PHF24: variants seen among roughly 807,000 people sequenced by gnomAD.
PHF24 encodes the protein PHD finger protein 24.
PHF24 carries 25 observed loss-of-function variants against 42.6 expected under a neutral mutation model. The ratio of observed to expected loss-of-function variants is 0.59; its 90% CI spans 0.43 to 0.82. The LOEUF (loss-of-function observed/expected upper bound fraction) is 0.82, where lower values mean the gene tolerates loss of function less well. PHF24 is among the 40% of genes least tolerant of loss of function. The probability of loss-of-function intolerance (pLI) is 0.00; values close to 1 mark genes in which losing one functional copy is unlikely to be tolerated. For missense variants in PHF24, 470 were observed against 538.1 expected (o/e 0.87, Z 1.25); for synonymous variants, 185 against 204.8 (o/e 0.90, Z 0.83).
At chr9:34,967,953 C>A (rs894492629) in intron 1 of PHF24, among the ~76,000 whole-genome samples, 1 of 152,176 alleles carries the variant, frequency 6.6e-6, no homozygotes, top group Admixed American at 6.5e-5. Flanking sequence ...GGTTCTGAAT[C>A]ATAGAACAGG....
At chr9:34,777,365 G>A in the PHF24 span, among the ~76,000 whole-genome samples, 1 of 152,144 alleles carries the variant, frequency 6.6e-6, no homozygotes, top group Non-Finnish European at 1.5e-5. Flanking sequence ...GTCTGGGCAG[G>A]CCAGTCTCTA....
At chr9:34,859,167 TTACTA>T in the PHF24 span, among the ~76,000 whole-genome samples, 1 of 152,234 alleles carries the variant, frequency 6.6e-6, no homozygotes, top group South Asian at 2.1e-4. Flanking sequence ...CTTTTACAGT[TTACTA>T]TATATATTTT....
chr9:34,947,694 T>C, the PHF24 span, among the ~76,000 whole-genome samples: 1 of 150,958 alleles, frequency 6.6e-6, no homozygotes, highest in South Asian at 2.1e-4. Context: ...AGACAAGATA[T>C]GAAGGTGGAA....
chr9:34,799,946 A>G, the PHF24 span, among the ~76,000 whole-genome samples: 1 of 152,156 alleles, frequency 6.6e-6, no homozygotes, highest in African/African-American at 2.4e-5. Context: ...GTACACATTG[A>G]CACAGAATGT....
At chr9:34,851,597 C>T in the PHF24 span, among the ~76,000 whole-genome samples, 3 of 152,188 alleles carry the variant, frequency 2.0e-5, no homozygotes, top group East Asian at 1.9e-4. Context: ...GCACACAGTG[C>T]GCTGCACCCA....
At chr9:34,886,561 G>A in the PHF24 span, among the ~76,000 whole-genome samples, 1 of 152,110 alleles carries the variant, frequency 6.6e-6, no homozygotes, top group African/African-American at 2.4e-5. Context: ...CTTCCAGTAT[G>A]ACACTCTTCT....
At chr9:34,907,704 A>G in the PHF24 span, among the ~76,000 whole-genome samples, 1 of 152,094 alleles carries the variant, frequency 6.6e-6, no homozygotes, top group Non-Finnish European at 1.5e-5. Flanking sequence ...TCATTGGTCC[A>G]GTCTTTCATC....
chr9:34,698,322 T>C, the PHF24 span, among the ~76,000 whole-genome samples: 1 of 152,056 alleles, frequency 6.6e-6, no homozygotes, highest in Admixed American at 6.6e-5. Flanking sequence ...TTCCAGGCTA[T>C]GGAGATGGGG....
chr9:34,850,149 G>A, the PHF24 span, among the ~76,000 whole-genome samples: 1 of 152,166 alleles, frequency 6.6e-6, no homozygotes, highest in East Asian at 1.9e-4. Context: ...ATGTTGGCCT[G>A]CCTTGCTAGA....
At chr9:34,700,719 T>C in the PHF24 span, among the ~76,000 whole-genome samples, 8,727 of 152,016 alleles carry the variant, frequency 0.057, 267 homozygotes, top group South Asian at 0.082. Flanking sequence ...TATGAGACAA[T>C]GAGGTCACCA....
At chr9:34,805,163 T>A in the PHF24 span, among the ~76,000 whole-genome samples, 1 of 152,364 alleles carries the variant, frequency 6.6e-6, no homozygotes. Flanking sequence ...AATGCTGCCA[T>A]GAGCATTCAT....
chr9:34,947,274 T>C, the PHF24 span, among the ~76,000 whole-genome samples: 1 of 152,178 alleles, frequency 6.6e-6, no homozygotes, highest in South Asian at 2.1e-4. Context: ...GTGGACGAAA[T>C]ATACAAAAAT....
At chr9:34,741,134 C>T in the PHF24 span, among the ~76,000 whole-genome samples, 1 of 152,158 alleles carries the variant, frequency 6.6e-6, no homozygotes, top group Admixed American at 6.5e-5. Flanking sequence ...GATCCACCTG[C>T]CTTGGCCTCC....
the PHF24 span, among the ~76,000 whole-genome samples, chr9:34,875,942 ACACACACACTCTCTCTCTCTCTCT>A: frequency 5.8e-5 from 5 of 86,780 alleles, no homozygotes; most frequent in African/African-American, 1.6e-4. Context: ...ACACACACAC[ACACACACACTCTCTCTCTCTCTCT>A]CTCTCTCTCT....
At chr9:34,898,397 G>A in the PHF24 span, among the ~76,000 whole-genome samples, 1 of 152,048 alleles carries the variant, frequency 6.6e-6, no homozygotes. Context: ...TCACATTGCG[G>A]TTTTGATTTG....
At chr9:34,740,826 G>C in the PHF24 span, among the ~76,000 whole-genome samples, 1 of 152,032 alleles carries the variant, frequency 6.6e-6, no homozygotes, top group Non-Finnish European at 1.5e-5. Context: ...GGATGAGGTA[G>C]ATACATATGG....
chr9:34,931,375 C>CAAAAAAAAAAA, the PHF24 span, among the ~76,000 whole-genome samples: 1 of 82,926 alleles, frequency 1.2e-5, no homozygotes, highest in Non-Finnish European at 2.2e-5. Context: ...GACTCTGTAT[C>CAAAAAAAAAAA]AAAAAAAAAA....
chr9:34,763,262 G>T, the PHF24 span, among the ~76,000 whole-genome samples: 4 of 151,986 alleles, frequency 2.6e-5, no homozygotes, highest in African/African-American at 9.7e-5. Context: ...GATGGGGATG[G>T]CATTGAATCT....
the PHF24 span, among the ~76,000 whole-genome samples, chr9:34,925,765 T>C: frequency 6.6e-6 from 1 of 152,184 alleles, no homozygotes; most frequent in South Asian, 2.1e-4. Flanking sequence ...TTTGAATTCT[T>C]TTTTCTGGAA....
Sources: allele counts gnomAD v4.1 joint callset (sites outside exome capture counted in the v4.1 genomes callset), GRCh38; gene constraint gnomAD v4.1.1; transcripts MANE v1.5; gene names NCBI Gene and HGNC (gene_info 2026-07-23, HGNC 2026-07-21).